ZCCHC14: variants seen among roughly 807,000 people sequenced by gnomAD.
The protein encoded by ZCCHC14 is zinc finger CCHC domain-containing protein 14.
A neutral mutation model predicts 85.0 loss-of-function variants in ZCCHC14; 16 were observed. The ratio of observed to expected loss-of-function variants is 0.19; its 90% CI spans 0.13 to 0.29. The LOEUF (loss-of-function observed/expected upper bound fraction) is 0.29, where lower values mean the gene tolerates loss of function less well. Among genes scored for constraint, ZCCHC14 ranks in the 10% least tolerant of loss-of-function variants. The pLI, the probability that ZCCHC14 is intolerant of heterozygous loss-of-function variation, is 1.00. For synonymous variants in ZCCHC14, 775 were observed against 630.7 expected, an observed-to-expected ratio of 1.23 and a Z score of -3.43; for missense variants, 1,303 against 1,443.5, an observed-to-expected ratio of 0.90 and a Z score of 1.58.
At chr16:87,455,186 G>T (rs1226997661) in intron 2 of ZCCHC14, among the ~76,000 whole-genome samples, 5 of 152,206 alleles carry the variant, frequency 3.3e-5, no homozygotes, top group Non-Finnish European at 5.9e-5. Context: ...TGCTAGGGAG[G>T]CTGAGGCAGG....
Position 87,412,627 on chromosome 16 carries a change from G to C in ZCCHC14, c.2094C>G (p.Asp698Glu). 6.2e-7 allele frequency: 1 copy of C among 1,614,200 alleles called. No individual in the cohort carries two copies. The highest frequency in any genetic ancestry group is 8.5e-7 in the Non-Finnish European group (1 of 1,180,046). Residue 698 changes from aspartate (D) to glutamate (E), a missense_variant, in exon 12 of 13, where the codon GAC becomes GAG. Physicochemically the swap from Asp to Glu is conservative, Grantham distance 45. Transcript: ENST00000671377. ...GGTGGGGTGCGGACGCGGGCAGCACGTCCATCATGGCGCTGCCAAAGCTCT... is the reference window on the plus strand; with the variant it reads ...GGTGGGGTGCGGACGCGGGCAGCACCTCCATCATGGCGCTGCCAAAGCTCT... ...VDKSFGSAMM[D>E]VLPASAPHQP...
Position 87,442,573 on chromosome 16 carries a change from G to GA in ZCCHC14, c.695-9373dup, listed in dbSNP as rs201509298. On this transcript the variant is annotated intron_variant, in intron 2 of 12. Transcript: ENST00000671377. Reference sequence around the variant, plus strand: ...GTAAAGAACCAAATGAAAATTTACAGAAAAAAAAATTAAAACTTTAGCGGT... The same window carrying GA: ...GTAAAGAACCAAATGAAAATTTACAGAAAAAAAAAATTAAAACTTTAGCGGT... Among the ~76,000 whole-genome samples the GA allele has an allele frequency of 4.4e-3, 663 of 151,416 alleles. 1 individual carries two copies. The highest frequency in any genetic ancestry group is 0.013 in the African/African-American group (544 of 41,290).
chr16:87,491,549 G>A lies in ZCCHC14; in HGVS notation c.570+120C>T, dbSNP rs541274109. The A allele has an allele frequency of 1.3e-4, 115 of 904,402 alleles. No homozygotes were observed. Among genetic ancestry groups the A allele is most frequent in the Middle Eastern group, 1.1e-3 (3 of 2,620 alleles). The allele number at this position is 904,402 out of a possible 1,614,324, so 56.0% of individuals were successfully genotyped here. On this transcript the variant is annotated intron_variant, in intron 1 of 12. Coordinates refer to ENST00000671377, the MANE Select transcript of ZCCHC14 (RefSeq NM_015144.3). The surrounding 1 kb of genome is among the most constrained non-coding windows in gnomAD (Gnocchi z 5.9). The stretch of plus-strand genomic sequence containing the variant: ...TGGTGCAGGTTGGAGACCTGGGTGG[G>A]AGCTCTCAGTGCAGGCTGGAGGCGT...
chr16:87,470,321 C>T (rs1911721376), intron 1 of ZCCHC14: 1 of 151,198 alleles, frequency 6.6e-6, no homozygotes, highest in Admixed American at 6.6e-5. Context: ...CAGCACGACA[C>T]CCCAACTCAA....
At chr16:87,454,347 C>T (rs1338408540) in intron 2 of ZCCHC14, among the ~76,000 whole-genome samples, 4 of 152,196 alleles carry the variant, frequency 2.6e-5, no homozygotes, top group African/African-American at 9.7e-5. Flanking sequence ...CACCAAGGCA[C>T]ATCACAGACA....
chr16:87,492,445 G>C lies in ZCCHC14; in HGVS notation c.-207C>G, dbSNP rs1275957992. 1.4e-5 allele frequency: 2 copies of C among 145,028 alleles called. No individual in the cohort carries two copies. The highest frequency in any genetic ancestry group is 3.1e-5 in the Non-Finnish European group (2 of 65,442). 9.0% of individuals were successfully genotyped at this position (145,028 alleles called of 1,614,324 possible). A position where few individuals can be genotyped will look rare whatever the true frequency, so the allele number is the denominator to read the frequency against. On this transcript the variant is annotated 5_prime_UTR_variant, in exon 1 of 13. Coordinates refer to ENST00000671377, the MANE Select transcript of ZCCHC14 (RefSeq NM_015144.3). This position sits in a 1 kb window ranked among gnomAD's most constrained non-coding sequence, Gnocchi z 6.7. ...CCGGGCAAGGCTCCCGTCAGGGGCC[G>C]GCGGGCGGGCGCGCGCGGGGCGCCG...
intron 1 of ZCCHC14, among the ~76,000 whole-genome samples, chr16:87,488,186 A>G (rs921250915): frequency 1.8e-4 from 27 of 152,252 alleles, no homozygotes; most frequent in Admixed American, 1.4e-3. Context: ...ATACCACAGC[A>G]TATTAATTAT....
intron 2 of ZCCHC14, among the ~76,000 whole-genome samples, chr16:87,457,053 A>G (rs1375016387): frequency 6.6e-6 from 1 of 152,200 alleles, no homozygotes; most frequent in Non-Finnish European, 1.5e-5. Context: ...CAACACAGGG[A>G]CTGGAGCGCT....
chr16:87,479,136 G>C (rs1912153447), intron 1 of ZCCHC14, among the ~76,000 whole-genome samples: 1 of 151,950 alleles, frequency 6.6e-6, no homozygotes, highest in South Asian at 2.1e-4. Context: ...CTAAGGATAG[G>C]CTGGGCGTGG....
At position 87,420,036 on chromosome 16, in the gene ZCCHC14, T is replaced by C. The variant is rs925035744; in HGVS notation, c.951-159A>G. Among the ~76,000 whole-genome samples the C allele has an allele frequency of 3.3e-5, 5 of 152,154 alleles. No homozygotes were observed. The highest frequency in any genetic ancestry group is 1.2e-4 in the African/African-American group (5 of 41,450). ...TTCTTCCTGCTTTAATTCAACTGAGTTCTTGCCCGACTGCCACTGCTTCTT... is the reference window on the plus strand; with the variant it reads ...TTCTTCCTGCTTTAATTCAACTGAGCTCTTGCCCGACTGCCACTGCTTCTT... On this transcript the variant is annotated intron_variant, in intron 5 of 12. Coordinates refer to ENST00000671377, the MANE Select transcript of ZCCHC14 (RefSeq NM_015144.3). The surrounding 1 kb of genome is among the most constrained non-coding windows in gnomAD (Gnocchi z 5.0).
In ZCCHC14 at chr16:87,492,908, G is replaced by GCGGCGGCGGCGGCGACGGCGA. The variant is rs1243605448; in HGVS notation, c.-691_-671dup. 1.4e-5 allele frequency among the ~76,000 whole-genome samples: 2 copies of GCGGCGGCGGCGGCGACGGCGA among 141,220 alleles called. No homozygotes were observed. Among genetic ancestry groups the GCGGCGGCGGCGGCGACGGCGA allele is most frequent in the Non-Finnish European group, 3.0e-5 (2 of 66,226 alleles). 92.6% of individuals were successfully genotyped at this position (141,220 alleles called of 152,430 possible). On this transcript the variant is annotated 5_prime_UTR_variant, in exon 1 of 13. Coordinates refer to ENST00000671377, the MANE Select transcript of ZCCHC14 (RefSeq NM_015144.3). The surrounding 1 kb of genome is among the most constrained non-coding windows in gnomAD (Gnocchi z 6.7). ...GCGGCGGACGGATCCGGGCCCGAGC[G>GCGGCGGCGGCGGCGACGGCGA]CGGCGGCGGCGGCGACGGCGACGGC...
In ZCCHC14 at chr16:87,417,752, AG is replaced by A; in HGVS notation, c.1101-11del. 1 of 1,567,396 alleles carries A rather than the reference AG, an allele frequency of 6.4e-7. No individual in the cohort carries two copies. On this transcript the variant is annotated splice_polypyrimidine_tract_variant and intron_variant, in intron 7 of 12. Coordinates refer to ENST00000671377, the MANE Select transcript of ZCCHC14 (RefSeq NM_015144.3). ...CACTCCACACACAGGCCTGTGGGACAGGGGCAGGAGGGACACAGAGAGACTG... is the reference window on the plus strand; with the variant it reads ...CACTCCACACACAGGCCTGTGGGACAGGGCAGGAGGGACACAGAGAGACTG...
chr16:87,415,423 A>T, intron 8 of ZCCHC14, 56 bp from the exon 9 acceptor site: 1 of 1,481,948 alleles, frequency 6.7e-7, no homozygotes, highest in Non-Finnish European at 9.3e-7. Context: ...GACTCTGAGA[A>T]CAAAGAACTT....
At chr16:87,452,644 G>A (rs1461633098) in intron 2 of ZCCHC14, among the ~76,000 whole-genome samples, 1 of 152,132 alleles carries the variant, frequency 6.6e-6, no homozygotes, top group Non-Finnish European at 1.5e-5. Context: ...AGCTGCACAG[G>A]GATGACATTT....
chr16:87,415,642 C>G (rs1908742913), intron 8 of ZCCHC14, among the ~76,000 whole-genome samples: 1 of 152,232 alleles, frequency 6.6e-6, no homozygotes. Flanking sequence ...GGTGCACCAC[C>G]TCACAGGCTG....
intron 1 of ZCCHC14, among the ~76,000 whole-genome samples, chr16:87,483,039 C>G (rs1467270051): frequency 1.3e-5 from 2 of 150,994 alleles, no homozygotes; most frequent in African/African-American, 4.9e-5. Flanking sequence ...ATAAATATAG[C>G]ATTTAAAAAA....
chr16:87,457,419 C>T lies in ZCCHC14; in HGVS notation c.694+2589G>A, dbSNP rs1260097552. 2.6e-5 allele frequency among the ~76,000 whole-genome samples: 4 copies of T among 152,280 alleles called. No homozygotes were observed. In the East Asian group the frequency reaches 7.7e-4, roughly 29 times the overall value. ...AATTTCTTATCTGTGACTCAGTTCT[C>T]CCATCTGTAAAATGGGGTAAAAATC... On this transcript the variant is annotated intron_variant, in intron 2 of 12. Coordinates refer to ENST00000671377, the MANE Select transcript of ZCCHC14 (RefSeq NM_015144.3).
intron 2 of ZCCHC14, 92 bp downstream of exon 2, chr16:87,459,916 C>G (rs1019542978): frequency 2.6e-6 from 4 of 1,551,524 alleles, no homozygotes; most frequent in African/African-American, 1.4e-5. Context: ...TATGAAAGAT[C>G]TGAAAGCATT....
chr16:87,441,840 G>A (rs759936418), intron 2 of ZCCHC14, among the ~76,000 whole-genome samples: 1 of 152,196 alleles, frequency 6.6e-6, no homozygotes, highest in Non-Finnish European at 1.5e-5. Flanking sequence ...GTAGTGTTGG[G>A]GGACTCTGGT....
Sources: gnomAD v4.1 joint callset for allele counts (sites outside exome capture counted in the v4.1 genomes callset) on GRCh38, gnomAD v4.1.1 for gene constraint, Gnocchi (gnomAD v3.1) non-coding constraint, MANE v1.5 for transcripts, NCBI Gene and HGNC (gene_info 2026-07-23, HGNC 2026-07-21) for gene names.